The following CDKAL1 variants were observed in gnomAD, a reference collection of about 807,000 sequenced individuals.
CDKAL1 encodes the protein threonylcarbamoyladenosine tRNA methylthiotransferase.
A neutral mutation model predicts 68.2 loss-of-function variants in CDKAL1; 32 were observed. The observed-to-expected ratio is 0.47, with a 90% CI of 0.35 to 0.63. The LOEUF (loss-of-function observed/expected upper bound fraction) is 0.63, where lower values mean the gene tolerates loss of function less well. Ranked by LOEUF, CDKAL1 falls within the 30% of genes least tolerant of loss-of-function variation. CDKAL1 has a pLI of 0.00. For synonymous variants in CDKAL1, 234 were observed against 244.3 expected (o/e 0.96, Z 0.39); for missense variants, 606 against 696.7 (o/e 0.87, Z 1.47).
At chr6:21,067,615 T>A (rs1432355771) in intron 12 of CDKAL1, among the ~76,000 whole-genome samples, 1 of 152,108 alleles carries the variant, frequency 6.6e-6, no homozygotes, top group African/African-American at 2.4e-5. Context: ...ACTTGGGTAT[T>A]TTCAAAATCC....
intron 8 of CDKAL1, among the ~76,000 whole-genome samples, chr6:20,835,640 T>C (rs1323936603): frequency 6.6e-6 from 1 of 152,088 alleles, no homozygotes; most frequent in Non-Finnish European, 1.5e-5. Context: ...CTCTGCCTCC[T>C]GAATTCAAGT....
chr6:20,943,655 G>GT lies in CDKAL1; in HGVS notation c.743-11754dup, dbSNP rs59685009. The stretch of plus-strand genomic sequence containing the variant: ...AGGTTCTTTTCAAATATCTTCTTTT[G>GT]TTTTTTTTTTATCATGTTCATATTT... On this transcript the variant is annotated intron_variant, in intron 9 of 15. Transcript: ENST00000274695. 3.1e-3 allele frequency among the ~76,000 whole-genome samples: 445 copies of GT among 145,328 alleles called. 2 individuals are homozygous for GT. Among genetic ancestry groups the GT allele is most frequent in the South Asian group, 0.025 (113 of 4,588 alleles).
intron 12 of CDKAL1, among the ~76,000 whole-genome samples, chr6:21,084,000 TG>T (rs1772562029): frequency 6.6e-6 from 1 of 152,164 alleles, no homozygotes; most frequent in Non-Finnish European, 1.5e-5. Flanking sequence ...TTGGTTCAGG[TG>T]TTAGCTGGTT....
chr6:20,872,900 G>A (rs982307652), intron 9 of CDKAL1, among the ~76,000 whole-genome samples: 10 of 152,154 alleles, frequency 6.6e-5, no homozygotes, highest in East Asian at 3.9e-4. Context: ...GGAAAAGAAC[G>A]CAGTCACAAA....
intron 10 of CDKAL1, among the ~76,000 whole-genome samples, chr6:20,961,797 A>G (rs937858020): frequency 2.0e-5 from 3 of 151,504 alleles, no homozygotes; most frequent in Admixed American, 6.6e-5. Flanking sequence ...AAACAAAAAA[A>G]AAACATCAAG....
chr6:21,218,858 G>A (rs1310339222), intron 15 of CDKAL1, among the ~76,000 whole-genome samples: 2 of 152,122 alleles, frequency 1.3e-5, no homozygotes, highest in Non-Finnish European at 2.9e-5. Flanking sequence ...ATTACATATG[G>A]GTGTGAATAC....
At chr6:21,141,147 C>T (rs1177952223) in intron 13 of CDKAL1, among the ~76,000 whole-genome samples, 4 of 152,166 alleles carry the variant, frequency 2.6e-5, no homozygotes, top group Non-Finnish European at 5.9e-5. Context: ...CCTTATATTT[C>T]ACCACTCCCC....
At chr6:20,702,642 C>G (rs1472463915) in intron 5 of CDKAL1, among the ~76,000 whole-genome samples, 1 of 152,094 alleles carries the variant, frequency 6.6e-6, no homozygotes, top group Non-Finnish European at 1.5e-5. Flanking sequence ...GACGTCCTCT[C>G]GATATCCAGC....
At position 21,207,630 on chromosome 6, in the gene CDKAL1, C is replaced by T. The variant is rs75984469; in HGVS notation, c.1548+6356C>T. 3.2e-4 allele frequency among the ~76,000 whole-genome samples: 49 copies of T among 152,264 alleles called. No homozygotes were observed. In the East Asian group the frequency reaches 7.3e-3, roughly 23 times the overall value. On this transcript the variant is annotated intron_variant, in intron 15 of 15. Coordinates refer to ENST00000274695, the MANE Select transcript of CDKAL1 (RefSeq NM_017774.3). The stretch of plus-strand genomic sequence containing the variant: ...GGTTTGAATCTTGATTCTACTATTA[C>T]AAAAAATATGATCTTGGGCAAGTTA...
intron 11 of CDKAL1, among the ~76,000 whole-genome samples, chr6:21,001,195 C>A (rs1029857526): frequency 1.3e-5 from 2 of 152,100 alleles, no homozygotes; most frequent in African/African-American, 4.8e-5. Context: ...TTTTCCATAG[C>A]CTTTTCCTTT....
intron 4 of CDKAL1, among the ~76,000 whole-genome samples, chr6:20,644,512 C>T (rs1768341962): frequency 6.6e-6 from 1 of 151,820 alleles, no homozygotes; most frequent in Admixed American, 6.6e-5. Flanking sequence ...CCTGTCTCTA[C>T]TAAAAATACA....
chr6:20,856,611 A>G (rs1046872148), intron 9 of CDKAL1, among the ~76,000 whole-genome samples: 3 of 152,222 alleles, frequency 2.0e-5, no homozygotes, highest in Non-Finnish European at 2.9e-5. Flanking sequence ...TATAAGTAAT[A>G]TATATTTGCT....
intron 5 of CDKAL1, among the ~76,000 whole-genome samples, chr6:20,657,186 C>T (rs929026587): frequency 6.6e-6 from 1 of 152,188 alleles, no homozygotes; most frequent in Non-Finnish European, 1.5e-5. Flanking sequence ...TTAAGTCGTG[C>T]TACACATGTG....
chr6:20,775,955 T>TA (rs1479604399), intron 7 of CDKAL1, among the ~76,000 whole-genome samples: 1 of 152,180 alleles, frequency 6.6e-6, no homozygotes, highest in Non-Finnish European at 1.5e-5. Context: ...AAGTGACTGT[T>TA]ACGTTATTTC....
chr6:20,792,997 A>C (rs1775961114), intron 8 of CDKAL1, among the ~76,000 whole-genome samples: 1 of 152,204 alleles, frequency 6.6e-6, no homozygotes, highest in Non-Finnish European at 1.5e-5. Context: ...GTGATAGCTG[A>C]AAATAGGCTC....
chr6:20,935,557 G>A (rs907498066), intron 9 of CDKAL1, among the ~76,000 whole-genome samples: 5 of 151,912 alleles, frequency 3.3e-5, no homozygotes, highest in African/African-American at 1.2e-4. Context: ...AGCCTCCTGA[G>A]TAGCTGGGCT....
intron 11 of CDKAL1, among the ~76,000 whole-genome samples, chr6:21,029,736 A>G (rs545084895): frequency 1.3e-5 from 2 of 152,350 alleles, no homozygotes; most frequent in African/African-American, 4.8e-5. Context: ...AAAGCTCAAC[A>G]TCACTGATCG....
chr6:20,899,394 G>A (rs1406785588), intron 9 of CDKAL1, among the ~76,000 whole-genome samples: 2 of 152,072 alleles, frequency 1.3e-5, no homozygotes, highest in Non-Finnish European at 2.9e-5. Flanking sequence ...GCCACAGTAC[G>A]TCTTGTTAAT....
chr6:20,842,498 G>A (rs1246699605), intron 8 of CDKAL1, among the ~76,000 whole-genome samples: 1 of 152,118 alleles, frequency 6.6e-6, no homozygotes, highest in Non-Finnish European at 1.5e-5. Flanking sequence ...CTGTGGATAG[G>A]ATGAACCCGT....
Sources: allele counts gnomAD v4.1 joint callset (sites outside exome capture counted in the v4.1 genomes callset), GRCh38; gene constraint gnomAD v4.1.1; transcripts MANE v1.5; gene names NCBI Gene and HGNC (gene_info 2026-07-23, HGNC 2026-07-21).